Variants in GREB1L observed in about 807,000 individuals in gnomAD.
The protein encoded by GREB1L is GREB1 like retinoic acid receptor coactivator.
GREB1L carries 17 observed loss-of-function variants against 200.8 expected under a neutral mutation model. The observed-to-expected ratio is 0.08, with a 90% CI of 0.06 to 0.13. GREB1L has a LOEUF of 0.13. Among genes scored for constraint, GREB1L ranks in the 10% least tolerant of loss-of-function variants. The probability of loss-of-function intolerance (pLI) is 1.00; values close to 1 mark genes in which losing one functional copy is unlikely to be tolerated. For synonymous variants in GREB1L, 789 were observed against 893.0 expected (o/e 0.88, Z 2.08); for missense variants, 1,657 against 2,367.7 (o/e 0.70, Z 6.23).
At chr18:21,396,350 A>G (rs867804856) in intron 5 of GREB1L, among the ~76,000 whole-genome samples, 100 of 152,274 alleles carry the variant, frequency 6.6e-4, no homozygotes, top group African/African-American at 2.4e-3. Flanking sequence ...CGGCCTTTTC[A>G]TTTTTATTAA....
Position 21,384,283 on chromosome 18 carries a change from A to T in GREB1L, c.235A>T (p.Asn79Tyr). 1 of 1,551,122 alleles carries T rather than the reference A, an allele frequency of 6.4e-7. No homozygotes were observed. Among genetic ancestry groups the T allele is most frequent in the Non-Finnish European group, 8.7e-7 (1 of 1,146,402 alleles). Residue 79 changes from asparagine to tyrosine, a missense_variant, in exon 4 of 33, where the codon AAC becomes TAC. Coordinates refer to ENST00000424526, the MANE Select transcript of GREB1L (RefSeq NM_001142966.3). Reference sequence around the variant, plus strand: ...TCAAAATGGAAGTCTGGATTTTTCTAACAATCTAACAGTTAATGAAATGGA... The same window carrying T: ...TCAAAATGGAAGTCTGGATTTTTCTTACAATCTAACAGTTAATGAAATGGA... ...YTQNGSLDFS[N>Y]NLTVNEMEDD...
intron 2 of GREB1L, among the ~76,000 whole-genome samples, chr18:21,378,350 C>G (rs893372281): frequency 6.6e-6 from 1 of 152,096 alleles, no homozygotes; most frequent in African/African-American, 2.4e-5. Context: ...GGGTCAGTTA[C>G]GTAATTCTTT....
intron 1 of GREB1L, among the ~76,000 whole-genome samples, chr18:21,340,434 C>CA (rs1332706850): frequency 1.3e-5 from 2 of 150,936 alleles, no homozygotes; most frequent in Admixed American, 1.3e-4. Flanking sequence ...AACAAACAAA[C>CA]AAAAAAAACC....
chr18:21,343,661 G>A (rs552752658), intron 1 of GREB1L, among the ~76,000 whole-genome samples: 3 of 151,766 alleles, frequency 2.0e-5, no homozygotes, highest in African/African-American at 7.2e-5. Context: ...CAAAATGGCC[G>A]CATACCAGGG....
intron 4 of GREB1L, among the ~76,000 whole-genome samples, chr18:21,385,257 A>G (rs912191594): frequency 6.6e-6 from 1 of 152,214 alleles, no homozygotes; most frequent in Non-Finnish European, 1.5e-5. Flanking sequence ...GAAAAGGGAT[A>G]TAATTTCAGA....
intron 1 of GREB1L, among the ~76,000 whole-genome samples, chr18:21,244,149 C>G (rs2037557018): frequency 6.6e-6 from 1 of 152,170 alleles, no homozygotes; most frequent in Admixed American, 6.5e-5. Flanking sequence ...AATCTTAGAA[C>G]AGTATGCAGT....
intron 1 of GREB1L, among the ~76,000 whole-genome samples, chr18:21,316,576 G>A (rs1228029589): frequency 6.6e-6 from 1 of 152,074 alleles, no homozygotes; most frequent in African/African-American, 2.4e-5. Context: ...TTGTGCTCTT[G>A]GAACTTTCTG....
At chr18:21,267,804 CTTTT>C (rs769798986) in intron 1 of GREB1L, among the ~76,000 whole-genome samples, 1 of 133,848 alleles carries the variant, frequency 7.5e-6, no homozygotes. Flanking sequence ...CCACCCCAAG[CTTTT>C]TTTTTTTTTT....
chr18:21,292,908 G>A (rs1051625936), intron 1 of GREB1L, among the ~76,000 whole-genome samples: 1 of 152,170 alleles, frequency 6.6e-6, no homozygotes, highest in Admixed American at 6.5e-5. Context: ...AGCACAGCAG[G>A]GGAACTGTGG....
intron 27 of GREB1L, 39 bp downstream of exon 27, chr18:21,508,630 G>T: frequency 2.1e-6 from 3 of 1,458,408 alleles, no homozygotes; most frequent in Non-Finnish European, 1.9e-6. Flanking sequence ...GGGCTTCGAA[G>T]ATAAACTGAG....
At chr18:21,504,284 C>T (rs2145983040) in intron 23 of GREB1L, among the ~76,000 whole-genome samples, 1 of 152,264 alleles carries the variant, frequency 6.6e-6, no homozygotes, top group East Asian at 1.9e-4. Context: ...CCTGTAATCC[C>T]CTGTGCTTTG....
At chr18:21,458,570 A>G (rs1277746690) in intron 15 of GREB1L, among the ~76,000 whole-genome samples, 1 of 152,256 alleles carries the variant, frequency 6.6e-6, no homozygotes, top group African/African-American at 2.4e-5. Context: ...GGATGAAAAT[A>G]GAAACCATCA....
At chr18:21,435,481 G>T (rs555317459) in intron 7 of GREB1L, among the ~76,000 whole-genome samples, 1 of 152,268 alleles carries the variant, frequency 6.6e-6, no homozygotes, top group Non-Finnish European at 1.5e-5. Context: ...ACAGAAGAAC[G>T]CAGAGCAAAG....
chr18:21,474,304 A>G (rs1243984867), intron 16 of GREB1L, among the ~76,000 whole-genome samples: 1 of 152,236 alleles, frequency 6.6e-6, no homozygotes, highest in African/African-American at 2.4e-5. Flanking sequence ...GAATGGGGGT[A>G]CAGGCATTGG....
At chr18:21,304,181 T>C (rs2038663047) in intron 1 of GREB1L, among the ~76,000 whole-genome samples, 1 of 152,048 alleles carries the variant, frequency 6.6e-6, no homozygotes, top group African/African-American at 2.4e-5. Flanking sequence ...ATCAGTAGAG[T>C]ACTGCCTTGA....
At chr18:21,420,365 C>T (rs571762930) in intron 7 of GREB1L, among the ~76,000 whole-genome samples, 142 of 147,786 alleles carry the variant, frequency 9.6e-4, no homozygotes, top group African/African-American at 3.4e-3. Context: ...GTGTGAGAGA[C>T]TCCATCTCGA....
At chr18:21,351,175 C>G (rs1194989102) in intron 1 of GREB1L, among the ~76,000 whole-genome samples, 1 of 152,058 alleles carries the variant, frequency 6.6e-6, no homozygotes, top group Non-Finnish European at 1.5e-5. Flanking sequence ...CTCTATTCTA[C>G]TGTTTTGCTT....
chr18:21,501,836 G>A lies in GREB1L; in HGVS notation c.4072+1194G>A, dbSNP rs529519822. Reference sequence around the variant, plus strand: ...ATGCTGGCACTATGAACAAAACATCGGCACTGAGACACAAGGGCAGGTGCT... The same window carrying A: ...ATGCTGGCACTATGAACAAAACATCAGCACTGAGACACAAGGGCAGGTGCT... On this transcript the variant is annotated intron_variant, in intron 23 of 32. Transcript: ENST00000424526. 2.6e-5 allele frequency among the ~76,000 whole-genome samples: 4 copies of A among 152,260 alleles called. No individual in the cohort carries two copies. The South Asian group carries it at 6.2e-4, about 24-fold the overall frequency.
At chr18:21,390,493 G>T (rs181380513) in intron 4 of GREB1L, among the ~76,000 whole-genome samples, 5 of 152,194 alleles carry the variant, frequency 3.3e-5, no homozygotes, top group Admixed American at 6.5e-5. Flanking sequence ...GTGTGTGTTT[G>T]TGCCTTAGTT....
Sources: allele counts gnomAD v4.1 joint callset (sites outside exome capture counted in the v4.1 genomes callset), GRCh38; gene constraint gnomAD v4.1.1; transcripts MANE v1.5; gene names NCBI Gene and HGNC (gene_info 2026-07-23, HGNC 2026-07-21).